The following SOD2 variants were observed in gnomAD, a reference collection of about 807,000 sequenced individuals.
The protein encoded by SOD2 is superoxide dismutase [Mn], mitochondrial.
A neutral mutation model predicts 27.0 loss-of-function variants in SOD2; 11 were observed. That is an observed-to-expected ratio of 0.41 (90% CI 0.26 to 0.67). The LOEUF is 0.67. Ranked by LOEUF, SOD2 falls within the 30% of genes least tolerant of loss-of-function variation. The pLI is 0.34. For missense variants in SOD2, 250 were observed against 274.5 expected, an observed-to-expected ratio of 0.91 and a Z score of 0.63; for synonymous variants, 105 against 103.0, an observed-to-expected ratio of 1.02 and a Z score of -0.12.
intron 1 of SOD2, among the ~76,000 whole-genome samples, chr6:159,732,886 AGT>A (rs67554039): frequency 0.011 from 1,591 of 146,470 alleles, 13 homozygotes; most frequent in African/African-American, 0.024. Flanking sequence ...ATATATATAT[AGT>A]GTGTGTGTGT....
intron 1 of SOD2, among the ~76,000 whole-genome samples, chr6:159,757,644 C>T (rs1258258613): frequency 6.6e-6 from 1 of 152,166 alleles, no homozygotes; most frequent in African/African-American, 2.4e-5. Flanking sequence ...AACTCCTGAC[C>T]TTGTGATCCA....
chr6:159,723,564 A>G (rs1778081057), intron 1 of SOD2, among the ~76,000 whole-genome samples: 1 of 152,212 alleles, frequency 6.6e-6, no homozygotes, highest in Non-Finnish European at 1.5e-5. Context: ...TTAGAAACCA[A>G]GATCTCAGTG....
chr6:159,735,647 G>A (rs1197654861), intron 1 of SOD2, among the ~76,000 whole-genome samples: 2 of 152,144 alleles, frequency 1.3e-5, no homozygotes, highest in Admixed American at 6.5e-5. Flanking sequence ...TATTTAGGGG[G>A]CTGAGGCAGG....
chr6:159,707,381 A>G (rs1220860875), intron 1 of SOD2, among the ~76,000 whole-genome samples: 2 of 152,194 alleles, frequency 1.3e-5, no homozygotes, highest in Non-Finnish European at 2.9e-5. Flanking sequence ...AAGACTACTA[A>G]AAAAGAAAAG....
chr6:159,739,306 T>C (rs1779102834), intron 1 of SOD2, among the ~76,000 whole-genome samples: 1 of 152,242 alleles, frequency 6.6e-6, no homozygotes, highest in South Asian at 2.1e-4. Context: ...TGTTTAACAT[T>C]TGAAAAAGAA....
chr6:159,742,133 C>T (rs770351180), intron 1 of SOD2: 2 of 1,607,058 alleles, frequency 1.2e-6, no homozygotes, highest in Non-Finnish European at 1.7e-6. Context: ...AGGGCAAGTA[C>T]ACAGATCTTA....
exon 1 of SOD2, chr6:159,727,160 TCG>T: frequency 8.4e-7 from 1 of 1,195,594 alleles, no homozygotes; most frequent in Non-Finnish European, 1.1e-6. Context: ...CCCGCGGAGC[TCG>T]CGCCAGGCTC....
chr6:159,726,928 C>G (rs1387149960), intron 1 of SOD2: 1 of 1,288,634 alleles, frequency 7.8e-7, no homozygotes, highest in African/African-American at 1.5e-5. Context: ...CCTGGTCCTC[C>G]GACACGCGGA....
intron 1 of SOD2, chr6:159,713,791 C>T (rs923410242): frequency 5.2e-5 from 51 of 985,580 alleles, no homozygotes; most frequent in African/African-American, 2.8e-4. Flanking sequence ...AAGCCAATTT[C>T]GCTTCATCTG....
intron 1 of SOD2, among the ~76,000 whole-genome samples, chr6:159,751,947 A>G (rs1779835407): frequency 1.3e-5 from 2 of 151,798 alleles, no homozygotes; most frequent in Admixed American, 1.3e-4. Context: ...TATAGTCCCC[A>G]GGTACTCCGG....
intron 1 of SOD2, among the ~76,000 whole-genome samples, chr6:159,711,571 A>T: frequency 1.2e-5 from 1 of 80,258 alleles, no homozygotes; most frequent in Non-Finnish European, 2.5e-5. Context: ...CTCCACAACC[A>T]CCACTCACAC....
chr6:159,719,944 G>A (rs1043602973), intron 1 of SOD2, among the ~76,000 whole-genome samples: 6 of 150,640 alleles, frequency 4.0e-5, no homozygotes, highest in African/African-American at 1.5e-4. Context: ...GGCTGGTCTC[G>A]AACTCCCGAC....
At chr6:159,736,335 G>GT (rs753297041) in intron 1 of SOD2, 27 of 1,501,892 alleles carry the variant, frequency 1.8e-5, no homozygotes, top group Non-Finnish European at 2.3e-5. Flanking sequence ...TTTGTTTTGG[G>GT]TTTTTTGGGG....
chr6:159,754,099 A>T (rs889622631), intron 1 of SOD2, among the ~76,000 whole-genome samples: 6 of 152,230 alleles, frequency 3.9e-5, no homozygotes, highest in African/African-American at 7.2e-5. Flanking sequence ...CATCCTTTTT[A>T]GTGCAAGTGT....
chr6:159,677,590 G>C lies in SOD2; in HGVS notation c.*4903C>G, dbSNP rs573166845. 2.0e-5 allele frequency: 3 copies of C among 152,260 alleles called. No individual in the cohort carries two copies. Among genetic ancestry groups the C allele is most frequent in the East Asian group, 3.9e-4 (2 of 5,182 alleles). 9.4% of individuals were successfully genotyped at this position (152,260 alleles called of 1,614,324 possible). A position where few individuals can be genotyped will look rare whatever the true frequency, so the allele number is the denominator to read the frequency against. ...TGATTACTTTATTTTTCAGAGTTAA[G>C]GCAATAATCTGTGGTTGGTTAATGT... On this transcript the variant is annotated 3_prime_UTR_variant, in exon 5 of 5. Coordinates refer to ENST00000538183, the MANE Select transcript of SOD2 (RefSeq NM_000636.4).
intron 1 of SOD2, among the ~76,000 whole-genome samples, chr6:159,752,518 C>G (rs1779858438): frequency 6.6e-6 from 1 of 152,132 alleles, no homozygotes; most frequent in Non-Finnish European, 1.5e-5. Context: ...GTATGTTGCA[C>G]TAGCATTTGG....
In SOD2 at chr6:159,736,268, G is replaced by T; in HGVS notation, c.-116+8862C>A. ...AACTTTTTTTTTTAGGATTCAAGAT[G>T]ACCAACGAAGAACCTCTTCCCAAGA... On this transcript the variant is annotated intron_variant, in intron 1 of 3. Transcript: ENST00000537657. 2.5e-6 allele frequency: 4 copies of T among 1,601,226 alleles called. No homozygotes were observed. The South Asian group carries it at 4.6e-5, about 18-fold the overall frequency.
chr6:159,746,741 T>C (rs1026505227), upstream of SOD2, among the ~76,000 whole-genome samples: 1 of 152,230 alleles, frequency 6.6e-6, no homozygotes, highest in Non-Finnish European at 1.5e-5. Context: ...TCATTTAGTC[T>C]TTTGCCAATC....
Position 159,674,183 on chromosome 6 carries a change from A to C in SOD2, c.*8310T>G, listed in dbSNP as rs1279666671. The C allele has an allele frequency of 6.6e-6, 1 of 152,264 alleles. No homozygotes were observed. Among genetic ancestry groups the C allele is most frequent in the Non-Finnish European group, 1.5e-5 (1 of 68,066 alleles). 9.4% of individuals were successfully genotyped at this position (152,264 alleles called of 1,614,324 possible). A position where few individuals can be genotyped will look rare whatever the true frequency, so the allele number is the denominator to read the frequency against. On this transcript the variant is annotated 3_prime_UTR_variant, in exon 5 of 5. Coordinates refer to ENST00000538183, the MANE Select transcript of SOD2 (RefSeq NM_000636.4). ...ACCAGAGGTACAAGGAAGAGCTGGT[A>C]CCATTCCTTCTGAAACTATTCCAAT...
Sources: allele counts gnomAD v4.1 joint callset (sites outside exome capture counted in the v4.1 genomes callset), GRCh38; gene constraint gnomAD v4.1.1; transcripts MANE v1.5; gene names NCBI Gene and HGNC (gene_info 2026-07-23, HGNC 2026-07-21).